The following CSMD1 variants were observed in gnomAD, a reference collection of about 807,000 sequenced individuals.
CSMD1 encodes the protein CUB and Sushi multiple domains 1, also known as CUB and sushi domain-containing protein 1.
CSMD1 carries 213 observed loss-of-function variants against 417.5 expected under a neutral mutation model. That is an observed-to-expected ratio of 0.51 (90% CI 0.46 to 0.57). CSMD1 has a LOEUF of 0.57. CSMD1 is among the 20% of genes least tolerant of loss of function. CSMD1 has a pLI of 0.00. For synonymous variants in CSMD1, 2,862 were observed against 1,736.8 expected (o/e 1.65, Z -16.11); for missense variants, 6,923 against 4,529.7 (o/e 1.53, Z -15.17).
chr8:3,142,835 C>G (rs1818588089), intron 40 of CSMD1, among the ~76,000 whole-genome samples, 161 bp from the exon 41 acceptor site: 1 of 152,220 alleles, frequency 6.6e-6, no homozygotes, highest in Admixed American at 6.5e-5. Context: ...TGACAGCAAA[C>G]CCTGGCTCCA....
intron 2 of CSMD1, among the ~76,000 whole-genome samples, chr8:4,461,487 A>AT (rs1249061497): frequency 6.6e-6 from 1 of 151,122 alleles, no homozygotes; most frequent in Admixed American, 6.6e-5. Flanking sequence ...TTAGAATTTA[A>AT]GAACATCTCC....
At chr8:3,848,522 G>A (rs539187359) in intron 5 of CSMD1, among the ~76,000 whole-genome samples, 8 of 152,172 alleles carry the variant, frequency 5.3e-5, no homozygotes, top group Non-Finnish European at 1.0e-4. Flanking sequence ...AAAAGCCTGA[G>A]AAGTTACTTA....
At chr8:4,964,927 T>C (rs1809759689) in intron 1 of CSMD1, among the ~76,000 whole-genome samples, 1 of 152,190 alleles carries the variant, frequency 6.6e-6, no homozygotes, top group Non-Finnish European at 1.5e-5. Flanking sequence ...CATCAGCCCT[T>C]GGTGAATTAA....
intron 41 of CSMD1, among the ~76,000 whole-genome samples, chr8:3,123,900 T>C (rs1817350990): frequency 6.6e-6 from 1 of 152,194 alleles, no homozygotes; most frequent in Non-Finnish European, 1.5e-5. Context: ...CTGTGTAGTC[T>C]TTCGGGTGAC....
intron 5 of CSMD1, among the ~76,000 whole-genome samples, chr8:3,930,027 G>A (rs148315782): frequency 1.3e-5 from 2 of 150,188 alleles, no homozygotes; most frequent in East Asian, 3.9e-4. Context: ...TCTTACACTG[G>A]TTTATATAAA....
intron 1 of CSMD1, among the ~76,000 whole-genome samples, chr8:4,886,553 A>G (rs1175845796): frequency 6.6e-6 from 1 of 151,854 alleles, no homozygotes; most frequent in Non-Finnish European, 1.5e-5. Context: ...TTATTTTTTG[A>G]AAGTGTGGAT....
intron 7 of CSMD1, among the ~76,000 whole-genome samples, chr8:3,639,232 G>A (rs971275006): frequency 1.3e-5 from 2 of 152,182 alleles, no homozygotes; most frequent in Non-Finnish European, 2.9e-5. Flanking sequence ...TGTTGGACTA[G>A]TCCATTGACA....
chr8:3,876,770 C>T (rs148686052), intron 5 of CSMD1, among the ~76,000 whole-genome samples: 76 of 152,198 alleles, frequency 5.0e-4, no homozygotes, highest in South Asian at 8.3e-4. Flanking sequence ...CCACCAGGCA[C>T]AGCAAGTTTT....
chr8:4,119,195 C>G (rs890872432), intron 3 of CSMD1, among the ~76,000 whole-genome samples: 1 of 152,026 alleles, frequency 6.6e-6, no homozygotes, highest in Non-Finnish European at 1.5e-5. Flanking sequence ...CATCGTGGCA[C>G]ACATATACCT....
chr8:4,687,270 G>A (rs989067979), intron 1 of CSMD1, among the ~76,000 whole-genome samples: 4 of 152,238 alleles, frequency 2.6e-5, no homozygotes, highest in Admixed American at 6.5e-5. Flanking sequence ...TCAGATGAAG[G>A]AGGACAAGGA....
At chr8:3,356,624 G>A (rs1424302542) in intron 21 of CSMD1, among the ~76,000 whole-genome samples, 3 of 152,310 alleles carry the variant, frequency 2.0e-5, no homozygotes, top group East Asian at 3.9e-4. Flanking sequence ...GCATTGAGCC[G>A]AGATCGTGCC....
chr8:4,807,582 G>T (rs139150601), intron 1 of CSMD1, among the ~76,000 whole-genome samples: 5 of 152,230 alleles, frequency 3.3e-5, no homozygotes, highest in African/African-American at 1.2e-4. Flanking sequence ...GGAATGGGTT[G>T]TTACTCAGCA....
At chr8:3,709,680 G>GCCTTTTTTTTTT (rs1554518393) in intron 6 of CSMD1, among the ~76,000 whole-genome samples, 1 of 33,694 alleles carries the variant, frequency 3.0e-5, no homozygotes, top group African/African-American at 1.1e-4. Flanking sequence ...GCAGCAGCAT[G>GCCTTTTTTTTTT]TTTTTTTTTT....
chr8:3,247,826 A>G (rs911281236), intron 26 of CSMD1, among the ~76,000 whole-genome samples: 4 of 152,214 alleles, frequency 2.6e-5, no homozygotes, highest in African/African-American at 9.7e-5. Flanking sequence ...CCTCCAATCT[A>G]CTGTACAAAA....
intron 1 of CSMD1, among the ~76,000 whole-genome samples, chr8:4,816,158 G>C (rs999955732): frequency 4.6e-5 from 7 of 151,950 alleles, no homozygotes; most frequent in African/African-American, 1.7e-4. Context: ...GCATGCTTTG[G>C]CTCAGGTTGG....
chr8:4,596,798 C>A (rs887931653), intron 2 of CSMD1, among the ~76,000 whole-genome samples: 2 of 152,204 alleles, frequency 1.3e-5, no homozygotes, highest in East Asian at 1.9e-4. Context: ...TGAATTCTAT[C>A]TACCAGAATA....
chr8:3,461,605 C>G (rs1816507910), intron 12 of CSMD1, among the ~76,000 whole-genome samples: 1 of 152,178 alleles, frequency 6.6e-6, no homozygotes, highest in Non-Finnish European at 1.5e-5. Flanking sequence ...GAGGAAGGGC[C>G]CCATGAAACT....
chr8:3,307,670 A>G (rs539649385), intron 25 of CSMD1, 25 bp downstream of exon 25: 41 of 1,609,416 alleles, frequency 2.5e-5, no homozygotes, highest in Non-Finnish European at 3.3e-5. Context: ...TTCTCAAATC[A>G]CTGAAACCAA....
intron 5 of CSMD1, among the ~76,000 whole-genome samples, chr8:3,769,633 T>C (rs751009337): frequency 1.3e-5 from 2 of 152,148 alleles, no homozygotes. Context: ...AAAATCCACT[T>C]TTTTCCATTA....
Sources: allele counts gnomAD v4.1 joint callset (sites outside exome capture counted in the v4.1 genomes callset), GRCh38; gene constraint gnomAD v4.1.1; transcripts MANE v1.5; gene names NCBI Gene and HGNC (gene_info 2026-07-23, HGNC 2026-07-21).